The following KCND2 variants were observed in gnomAD, a reference collection of about 807,000 sequenced individuals.
KCND2 encodes the protein potassium voltage-gated channel subfamily D member 2, also known as A-type voltage-gated potassium channel KCND2.
A neutral mutation model predicts 54.4 loss-of-function variants in KCND2; 16 were observed. The ratio of observed to expected loss-of-function variants is 0.29; its 90% CI spans 0.20 to 0.45. The LOEUF is 0.45. Ranked by LOEUF, KCND2 falls within the 20% of genes least tolerant of loss-of-function variation. The pLI is 1.00. For missense variants in KCND2, 486 were observed against 824.2 expected, an observed-to-expected ratio of 0.59 and a Z score of 5.02; for synonymous variants, 317 against 310.7, an observed-to-expected ratio of 1.02 and a Z score of -0.21.
chr7:120,707,977 G>A (rs1792490638), intron 1 of KCND2, among the ~76,000 whole-genome samples: 1 of 152,028 alleles, frequency 6.6e-6, no homozygotes, highest in African/African-American at 2.4e-5. Context: ...CATTAAGCAA[G>A]ATGATACAAG....
chr7:120,297,746 A>G (rs1799531444), intron 1 of KCND2, among the ~76,000 whole-genome samples: 1 of 152,142 alleles, frequency 6.6e-6, no homozygotes, highest in South Asian at 2.1e-4. Flanking sequence ...GTGATTTCTC[A>G]TGAATTTTCA....
chr7:120,696,332 C>T (rs1360574692), intron 1 of KCND2, among the ~76,000 whole-genome samples: 3 of 152,150 alleles, frequency 2.0e-5, no homozygotes, highest in African/African-American at 7.2e-5. Context: ...ACTGCCAGGG[C>T]CAAGATTACT....
chr7:120,405,748 A>G (rs1039812085), intron 1 of KCND2, among the ~76,000 whole-genome samples: 2 of 152,096 alleles, frequency 1.3e-5, no homozygotes, highest in African/African-American at 4.8e-5. Flanking sequence ...ACTACTTGTC[A>G]TCATAGGACT....
chr7:120,358,484 A>G (rs764297260), intron 1 of KCND2, among the ~76,000 whole-genome samples: 25 of 152,102 alleles, frequency 1.6e-4, no homozygotes, highest in Non-Finnish European at 2.8e-4. Flanking sequence ...TTGGTGCTTT[A>G]ATGACTTCAA....
intron 1 of KCND2, among the ~76,000 whole-genome samples, chr7:120,487,217 T>C (rs1802707305): frequency 6.6e-6 from 1 of 152,196 alleles, no homozygotes; most frequent in African/African-American, 2.4e-5. Context: ...AAAAATAATG[T>C]TCTTTAAGTA....
chr7:120,315,808 G>A (rs1799804392), intron 1 of KCND2, among the ~76,000 whole-genome samples: 1 of 81,932 alleles, frequency 1.2e-5, no homozygotes, highest in Non-Finnish European at 2.8e-5. Flanking sequence ...GTGTGTGTGT[G>A]TGTGTGTGTA....
intron 1 of KCND2, among the ~76,000 whole-genome samples, chr7:120,311,161 T>C (rs1799730441): frequency 6.6e-6 from 1 of 152,166 alleles, no homozygotes; most frequent in Admixed American, 6.5e-5. Flanking sequence ...TTTAGGTTCC[T>C]GATTAACAGA....
At chr7:120,347,896 G>A (rs1800344124) in intron 1 of KCND2, among the ~76,000 whole-genome samples, 1 of 152,124 alleles carries the variant, frequency 6.6e-6, no homozygotes. Context: ...CTGAGATGAG[G>A]GTGCCAGCAT....
intron 1 of KCND2, among the ~76,000 whole-genome samples, chr7:120,403,393 T>C (rs959924301): frequency 1.3e-5 from 2 of 151,682 alleles, no homozygotes; most frequent in African/African-American, 4.8e-5. Flanking sequence ...CATGGCTTAC[T>C]GCAACCTCTG....
chr7:120,347,626 G>A (rs575006156), intron 1 of KCND2, among the ~76,000 whole-genome samples: 4 of 151,878 alleles, frequency 2.6e-5, no homozygotes, highest in South Asian at 2.1e-4. Flanking sequence ...GCATGGTGTC[G>A]TGCGCCTGTA....
At chr7:120,740,488 T>C (rs1792926938) in intron 2 of KCND2, among the ~76,000 whole-genome samples, 1 of 152,112 alleles carries the variant, frequency 6.6e-6, no homozygotes, top group African/African-American at 2.4e-5. Context: ...ATACACTTGC[T>C]AGCTACATGT....
chr7:120,593,689 A>G (rs1415187637), intron 1 of KCND2, among the ~76,000 whole-genome samples: 1 of 152,184 alleles, frequency 6.6e-6, no homozygotes, highest in Non-Finnish European at 1.5e-5. Flanking sequence ...ATAAACGACC[A>G]TGCATAAATA....
chr7:120,641,853 A>G (rs1295077912), intron 1 of KCND2, among the ~76,000 whole-genome samples: 1 of 144,250 alleles, frequency 6.9e-6, no homozygotes, highest in Non-Finnish European at 1.5e-5. Flanking sequence ...GCATAAAAAG[A>G]TAATAAAAAA....
At position 120,274,492 on chromosome 7, in the gene KCND2, T is replaced by A. The variant is rs2116241256; in HGVS notation, c.-141T>A. The A allele has an allele frequency of 1.2e-5, 11 of 900,418 alleles. No individual in the cohort carries two copies. In the South Asian group the frequency reaches 1.6e-4, roughly 13 times the overall value. 55.8% of individuals were successfully genotyped at this position (900,418 alleles called of 1,614,324 possible). A position where few individuals can be genotyped will look rare whatever the true frequency, so the allele number is the denominator to read the frequency against. ...AGAACTGTGACTTTACCAGGAGCCC[T>A]ATCTTGGAATAAGAGTTACACCTCT... is the stretch of plus-strand genomic sequence containing the variant. On this transcript the variant is annotated 5_prime_UTR_variant, in exon 1 of 6. Coordinates refer to ENST00000331113, the MANE Select transcript of KCND2 (RefSeq NM_012281.3).
intron 1 of KCND2, among the ~76,000 whole-genome samples, chr7:120,556,934 A>G (rs557766171): frequency 1.3e-5 from 2 of 152,270 alleles, no homozygotes; most frequent in South Asian, 2.1e-4. Flanking sequence ...TTATTCACTA[A>G]TGTTTCACAA....
chr7:120,512,506 T>A (rs1803133210), intron 1 of KCND2, among the ~76,000 whole-genome samples: 1 of 151,974 alleles, frequency 6.6e-6, no homozygotes, highest in Non-Finnish European at 1.5e-5. Flanking sequence ...AGGTAGCAAT[T>A]ATAGTCTTAA....
intron 1 of KCND2, among the ~76,000 whole-genome samples, chr7:120,295,277 C>G (rs561514827): frequency 6.6e-6 from 1 of 151,154 alleles, no homozygotes; most frequent in East Asian, 1.9e-4. Context: ...GGGCCATGTT[C>G]TTTCTAAGTG....
intron 1 of KCND2, among the ~76,000 whole-genome samples, chr7:120,629,495 G>A (rs1017812558): frequency 5.3e-5 from 8 of 152,084 alleles, no homozygotes; most frequent in Non-Finnish European, 1.2e-4. Context: ...CGGGGGTGGG[G>A]TGGAAAAAAA....
chr7:120,455,759 C>T (rs1264447171), intron 1 of KCND2, among the ~76,000 whole-genome samples: 1 of 152,098 alleles, frequency 6.6e-6, no homozygotes, highest in Non-Finnish European at 1.5e-5. Context: ...TTCATGTTCT[C>T]ACTTAATAGT....
Sources: gnomAD v4.1 joint callset for allele counts (sites outside exome capture counted in the v4.1 genomes callset) on GRCh38, gnomAD v4.1.1 for gene constraint, MANE v1.5 for transcripts, NCBI Gene and HGNC (gene_info 2026-07-23, HGNC 2026-07-21) for gene names.